The following PRPF39 variants were observed in gnomAD, a reference collection of about 807,000 sequenced individuals.
PRPF39 encodes pre-mRNA processing factor 39.
PRPF39 carries 27 observed loss-of-function variants against 82.1 expected under a neutral mutation model. The ratio of observed to expected loss-of-function variants is 0.33; its 90% CI spans 0.24 to 0.45. The LOEUF (loss-of-function observed/expected upper bound fraction) is 0.45. Among genes scored for constraint, PRPF39 ranks in the 20% least tolerant of loss-of-function variants. PRPF39 has a pLI of 1.00. For missense variants in PRPF39, 581 were observed against 796.9 expected, an observed-to-expected ratio of 0.73 and a Z score of 3.26; for synonymous variants, 261 against 256.4, an observed-to-expected ratio of 1.02 and a Z score of -0.17.
chr14:45,095,995 G>A, intron 2 of PRPF39, 108 bp from the exon 3 acceptor site: 2 of 1,044,014 alleles, frequency 1.9e-6, no homozygotes, highest in East Asian at 5.6e-5. Flanking sequence ...GAGTTTTTAA[G>A]CCTGCCATTT....
At position 45,089,313 on chromosome 14, in the gene PRPF39, G is replaced by A. The variant is rs1000197738; in HGVS notation, c.-20+5064G>A. ...AGGGTCCAACTTCATTCTTTTGCAC[G>A]TGGATATCCAGTTTTCCAAGCACCA... On this transcript the variant is annotated intron_variant, in intron 1 of 13. Transcript: ENST00000355765. Among the ~76,000 whole-genome samples the A allele has an allele frequency of 2.6e-5, 4 of 152,122 alleles. No individual in the cohort carries two copies. The East Asian group carries it at 5.8e-4, about 22-fold the overall frequency.
intron 5 of PRPF39, among the ~76,000 whole-genome samples, chr14:45,103,639 G>T (rs1884442857): frequency 6.6e-6 from 1 of 152,050 alleles, no homozygotes; most frequent in Non-Finnish European, 1.5e-5. Flanking sequence ...CATATAGATA[G>T]GAATATTCTC....
At chr14:45,107,750 G>T in intron 6 of PRPF39, 134 bp downstream of exon 6, 1 of 823,804 alleles carries the variant, frequency 1.2e-6, no homozygotes, top group South Asian at 1.8e-5. Flanking sequence ...GCAACATGGT[G>T]AAACCCTGTC....
chr14:45,110,469 G>A lies in PRPF39; in HGVS notation c.1304-80G>A, dbSNP rs1884667770. ...ATTAGTTGCTGGATTTAGCCCATGG[G>A]TGATTGTTGCCAGTATCTGGTTATA... is the stretch of plus-strand genomic sequence containing the variant. On this transcript the variant is annotated intron_variant, in intron 9 of 13. Transcript: ENST00000355765. This position sits in a 1 kb window ranked among gnomAD's most constrained non-coding sequence, Gnocchi z 4.0. 1.7e-5 allele frequency: 24 copies of A among 1,403,936 alleles called. No homozygotes were observed. Among genetic ancestry groups the A allele is most frequent in the Non-Finnish European group, 2.2e-5 (23 of 1,034,856 alleles). 87.0% of individuals were successfully genotyped at this position (1,403,936 alleles called of 1,614,324 possible). A position where few individuals can be genotyped will look rare whatever the true frequency, so the allele number is the denominator to read the frequency against.
intron 11 of PRPF39, among the ~76,000 whole-genome samples, chr14:45,113,292 T>C (rs979691542): frequency 6.6e-6 from 1 of 152,240 alleles, no homozygotes; most frequent in Non-Finnish European, 1.5e-5. Context: ...TTTTAATGTA[T>C]TAATGTATAT....
rs1392503799 is a variant in PRPF39, at chr14:45,115,290, CCTT to C, written c.*378_*380del. 3 of 140,092 alleles carry C rather than the reference CCTT, an allele frequency of 2.1e-5. No homozygotes were observed. Among genetic ancestry groups the C allele is most frequent in the East Asian group, 2.1e-4 (1 of 4,872 alleles). 8.7% of individuals were successfully genotyped at this position (140,092 alleles called of 1,614,324 possible). ...ACACATAAGGGCTGGTTATTTACCT[CCTT>C]TTTTTTTTTTTTTTTTAAAGAAAAA... On this transcript the variant is annotated 3_prime_UTR_variant, in exon 14 of 14. Coordinates refer to ENST00000355765, the MANE Select transcript of PRPF39 (RefSeq NM_017922.4).
At chr14:45,101,354 T>G (rs1884367235) in intron 4 of PRPF39, among the ~76,000 whole-genome samples, 1 of 152,238 alleles carries the variant, frequency 6.6e-6, no homozygotes, top group African/African-American at 2.4e-5. Flanking sequence ...ATCTTGAAAG[T>G]ATGTATCTAA....
Position 45,091,886 on chromosome 14 carries a change from T to C in PRPF39, c.-19-3335T>C, listed in dbSNP as rs74536466. ...GTCTCAAAGTAATAGAAAACTTGTA[T>C]ATTGATAGTAGTTTAAACAAATAGG... On this transcript the variant is annotated intron_variant, in intron 1 of 13. Transcript: ENST00000355765. Among the ~76,000 whole-genome samples the C allele has an allele frequency of 6.3e-3, 967 of 152,322 alleles. 13 individuals carry two copies. Among genetic ancestry groups the C allele is most frequent in the African/African-American group, 0.022 (913 of 41,570 alleles).
intron 11 of PRPF39, among the ~76,000 whole-genome samples, chr14:45,113,329 T>A (rs1358281082): frequency 6.6e-6 from 1 of 152,264 alleles, no homozygotes; most frequent in Non-Finnish European, 1.5e-5. Context: ...TGATGCCAAA[T>A]GTTTTATATT....
At position 45,110,055 on chromosome 14, in the gene PRPF39, A is replaced by G. The variant is rs777648145; in HGVS notation, c.1177-39A>G. The stretch of plus-strand genomic sequence containing the variant: ...TGTCACAAATTTAATGGCTTGTTCA[A>G]CTGTAAATTATTCAGTATTTCCTCT... On this transcript the variant is annotated intron_variant, in intron 8 of 13. Coordinates refer to ENST00000355765, the MANE Select transcript of PRPF39 (RefSeq NM_017922.4). The surrounding 1 kb of genome is among the most constrained non-coding windows in gnomAD (Gnocchi z 4.0). 7 of 1,607,684 alleles carry G rather than the reference A, an allele frequency of 4.4e-6. No homozygotes were observed. The highest frequency in any genetic ancestry group is 2.7e-5 in the African/African-American group (2 of 74,728).
Position 45,102,510 on chromosome 14 carries a change from G to C in PRPF39, c.570-19G>C, listed in dbSNP as rs1440250406. On this transcript the variant is annotated intron_variant, in intron 4 of 13. Coordinates refer to ENST00000355765, the MANE Select transcript of PRPF39 (RefSeq NM_017922.4). ...ATTTTATCTTGGAAAGATAACTTAA[G>C]AGTAATTTAATTTTTCAGAACTTTT... 1.9e-5 allele frequency: 30 copies of C among 1,558,262 alleles called. No individual in the cohort carries two copies. The highest frequency in any genetic ancestry group is 2.5e-5 in the Non-Finnish European group (29 of 1,153,026).
At chr14:45,088,384 G>A (rs1021167202) in intron 1 of PRPF39, 1 of 156,126 alleles carries the variant, frequency 6.4e-6, no homozygotes, top group African/African-American at 2.4e-5. Flanking sequence ...CTGAGTCAGA[G>A]TGTGGTGTCA....
At chr14:45,095,844 G>A (rs1262004340) in intron 2 of PRPF39, 1 of 424,090 alleles carries the variant, frequency 2.4e-6, no homozygotes. Context: ...AGTTCCTTCT[G>A]TTTCAATTGC....
Position 45,095,216 on chromosome 14 carries a change from C to G in PRPF39, c.-19-5C>G. On this transcript the variant is annotated splice_region_variant and splice_polypyrimidine_tract_variant and intron_variant, in intron 1 of 13. Transcript: ENST00000355765. ...GATATTTCTCTTTTTTTCGTGTTTC[C>G]ACAGATCGTTAACTGAAGACAATAT... 6.6e-7 allele frequency: 1 copy of G among 1,512,484 alleles called. No individual in the cohort carries two copies. Among genetic ancestry groups the G allele is most frequent in the Non-Finnish European group, 9.0e-7 (1 of 1,111,150 alleles). 93.7% of individuals were successfully genotyped at this position (1,512,484 alleles called of 1,614,324 possible).
rs1884662788 is a variant in PRPF39, at chr14:45,110,300, A to G, written c.1303+80A>G. On this transcript the variant is annotated intron_variant, in intron 9 of 13. Transcript: ENST00000355765. The surrounding 1 kb of genome is among the most constrained non-coding windows in gnomAD (Gnocchi z 4.0). The stretch of plus-strand genomic sequence containing the variant: ...ACAGTGACAAATTGAGTGGTAAGGG[A>G]TGGTGTAAAGCAGAGTTTGGCAAAC... The G allele has an allele frequency of 1.9e-6, 3 of 1,563,806 alleles. No individual in the cohort carries two copies. The highest frequency in any genetic ancestry group is 2.6e-6 in the Non-Finnish European group (3 of 1,146,532).
intron 11 of PRPF39, among the ~76,000 whole-genome samples, chr14:45,113,404 G>A (rs898315687): frequency 6.6e-6 from 1 of 152,206 alleles, no homozygotes; most frequent in African/African-American, 2.4e-5. Flanking sequence ...CTTAATAGAT[G>A]AGAGGATTAA....
intron 1 of PRPF39, among the ~76,000 whole-genome samples, chr14:45,087,583 G>GT (rs1010927506): frequency 1.5e-4 from 22 of 149,474 alleles, no homozygotes; most frequent in Non-Finnish European, 2.2e-4. Flanking sequence ...GTTTTGTTTT[G>GT]TTTTTTTTGA....
intron 5 of PRPF39, among the ~76,000 whole-genome samples, chr14:45,103,267 A>G (rs1884428670): frequency 6.6e-6 from 1 of 152,138 alleles, no homozygotes; most frequent in African/African-American, 2.4e-5. Context: ...TGTTAAAACA[A>G]CTAATTCTGT....
At position 45,108,456 on chromosome 14, in the gene PRPF39, G is replaced by A. The variant is rs1884605485; in HGVS notation, c.945G>A (p.Glu315=). The A allele has an allele frequency of 2.5e-6, 4 of 1,599,398 alleles. No individual in the cohort carries two copies. The highest frequency in any genetic ancestry group is 1.1e-5 in the South Asian group (1 of 88,086). Residue 315 remains glutamate, a synonymous_variant, in exon 7 of 14, where the codon GAG becomes GAA. Transcript: ENST00000355765. Reference sequence around the variant, plus strand: ...AAAACATGAGACATAGAATCATTGAGATTCATCAAGAAATGTTTAATTATA... The same window carrying A: ...AAAACATGAGACATAGAATCATTGAAATTCATCAAGAAATGTTTAATTATA... The part of the protein sequence containing the change: ...EIENMRHRII[E]IHQEMFNYNE...
Sources: allele counts gnomAD v4.1 joint callset (sites outside exome capture counted in the v4.1 genomes callset), GRCh38; gene constraint gnomAD v4.1.1; non-coding constraint Gnocchi (gnomAD v3.1); transcripts MANE v1.5; gene names NCBI Gene and HGNC (gene_info 2026-07-23, HGNC 2026-07-21).